PRKD1: variants seen among roughly 807,000 people sequenced by gnomAD.
PRKD1 encodes the protein serine/threonine-protein kinase D1.
Under a neutral mutation model 95.9 loss-of-function variants are expected in PRKD1, and 63 were observed. The ratio of observed to expected loss-of-function variants is 0.66; its 90% confidence interval spans 0.54 to 0.81. The LOEUF is 0.81. Among genes scored for constraint, PRKD1 ranks in the 30% least tolerant of loss-of-function variants. The pLI is 0.00. For missense variants in PRKD1, 1,048 were observed against 1,165.3 expected (o/e 0.90, Z 1.47); for synonymous variants, 425 against 423.1 (o/e 1.00, Z -0.05).
chr14:29,903,647 G>A (rs1894397403), intron 1 of PRKD1, among the ~76,000 whole-genome samples: 1 of 152,118 alleles, frequency 6.6e-6, no homozygotes, highest in African/African-American at 2.4e-5. Context: ...CAAAACCCTG[G>A]ATTAAAAATA....
chr14:29,728,404 A>G (rs1001574501), intron 1 of PRKD1, among the ~76,000 whole-genome samples: 3 of 152,144 alleles, frequency 2.0e-5, no homozygotes, highest in Admixed American at 6.6e-5. Flanking sequence ...ATTTTCATCA[A>G]CCCCAAAAGT....
At chr14:29,598,941 G>T in intron 15 of PRKD1, 86 bp downstream of exon 15, 2 of 1,133,570 alleles carry the variant, frequency 1.8e-6, no homozygotes, top group Non-Finnish European at 2.6e-6. Context: ...AAGGTTTTAA[G>T]GGAAAAATGG....
chr14:29,622,725 G>A (rs1181948997), intron 13 of PRKD1, among the ~76,000 whole-genome samples: 6 of 152,062 alleles, frequency 3.9e-5, no homozygotes, highest in Non-Finnish European at 8.8e-5. Flanking sequence ...TCTACCTCTC[G>A]AGTCAGTAGC....
chr14:29,666,260 A>G lies in PRKD1; in HGVS notation c.404-52T>C, dbSNP rs945406285. Reference sequence around the variant, plus strand: ...AAGTTGAATAGGCACTCTGATCTGTAAATAAAAAGTATGCAAGATAATAAA... The same window carrying G: ...AAGTTGAATAGGCACTCTGATCTGTGAATAAAAAGTATGCAAGATAATAAA... On this transcript the variant is annotated intron_variant, in intron 2 of 17. Transcript: ENST00000331968. 5.2e-6 allele frequency: 8 copies of G among 1,525,180 alleles called. No homozygotes were observed. In the African/African-American group the frequency reaches 9.5e-5, roughly 18 times the overall value. 94.5% of individuals were successfully genotyped at this position (1,525,180 alleles called of 1,614,324 possible). A position where few individuals can be genotyped will look rare whatever the true frequency, so the allele number is the denominator to read the frequency against.
intron 1 of PRKD1, among the ~76,000 whole-genome samples, chr14:29,775,676 G>C (rs1425628905): frequency 6.6e-6 from 1 of 152,176 alleles, no homozygotes; most frequent in Non-Finnish European, 1.5e-5. Flanking sequence ...GGCCACCAAA[G>C]CTCAAGGAGG....
chr14:29,659,635 T>C (rs1289041680), intron 4 of PRKD1, among the ~76,000 whole-genome samples: 2 of 152,210 alleles, frequency 1.3e-5, no homozygotes, highest in East Asian at 3.8e-4. Flanking sequence ...GTACTTGTTA[T>C]TAACAGGTGT....
At chr14:29,643,554 A>T (rs1880936151) in intron 4 of PRKD1, among the ~76,000 whole-genome samples, 1 of 152,198 alleles carries the variant, frequency 6.6e-6, no homozygotes, top group Non-Finnish European at 1.5e-5. Context: ...TGCTAAATTA[A>T]TGACTCAGCA....
Position 29,721,675 on chromosome 14 carries a change from T to TA in PRKD1, c.403+3860dup, listed in dbSNP as rs879263218. Reference sequence around the variant, plus strand: ...ACCATACACTTGAACTTCACTCTGGTAAAAAAAAAAAAATTTCCATGTTCA... The same window carrying TA: ...ACCATACACTTGAACTTCACTCTGGTAAAAAAAAAAAAAATTTCCATGTTCA... On this transcript the variant is annotated intron_variant, in intron 2 of 17. Transcript: ENST00000331968. Among the ~76,000 whole-genome samples the TA allele has an allele frequency of 6.8e-3, 999 of 146,126 alleles. 8 individuals carry two copies. The highest frequency in any genetic ancestry group is 0.021 in the African/African-American group (837 of 40,134).
chr14:29,654,455 T>C (rs1019473703), intron 4 of PRKD1, among the ~76,000 whole-genome samples: 2 of 152,220 alleles, frequency 1.3e-5, no homozygotes, highest in Non-Finnish European at 2.9e-5. Flanking sequence ...ATTATAGGTG[T>C]GAGCCACTGT....
At chr14:29,908,491 T>G (rs1174719531) in intron 1 of PRKD1, among the ~76,000 whole-genome samples, 1 of 152,062 alleles carries the variant, frequency 6.6e-6, no homozygotes, top group Non-Finnish European at 1.5e-5. Flanking sequence ...TTCACTATGT[T>G]GGCCAGGCTG....
At chr14:29,795,765 A>C (rs1889786401) in intron 1 of PRKD1, among the ~76,000 whole-genome samples, 1 of 152,138 alleles carries the variant, frequency 6.6e-6, no homozygotes, top group African/African-American at 2.4e-5. Flanking sequence ...CATCATTACA[A>C]ATTTTTTGGA....
chr14:29,644,642 C>A (rs1205944972), intron 4 of PRKD1, among the ~76,000 whole-genome samples: 7 of 151,736 alleles, frequency 4.6e-5, no homozygotes, highest in Admixed American at 1.3e-4. Context: ...GGGACTAAAT[C>A]TAGTTGAAAT....
chr14:29,701,652 TTTC>T (rs1197289860), intron 2 of PRKD1, among the ~76,000 whole-genome samples: 1 of 152,196 alleles, frequency 6.6e-6, no homozygotes, highest in Non-Finnish European at 1.5e-5. Context: ...TACTTTTTCT[TTTC>T]TTTTTTAACT....
chr14:29,885,612 C>T (rs1001064847), intron 1 of PRKD1, among the ~76,000 whole-genome samples: 11 of 151,766 alleles, frequency 7.2e-5, no homozygotes, highest in Admixed American at 3.3e-4. Flanking sequence ...TGAATAAGAA[C>T]AGCATTTGCC....
intron 4 of PRKD1, among the ~76,000 whole-genome samples, chr14:29,651,330 C>T (rs1027490722): frequency 6.6e-6 from 1 of 152,152 alleles, no homozygotes; most frequent in Non-Finnish European, 1.5e-5. Flanking sequence ...AAAAACTGGG[C>T]TATTTAGAGA....
intron 1 of PRKD1, among the ~76,000 whole-genome samples, chr14:29,908,418 C>A (rs2139441236): frequency 6.6e-6 from 1 of 152,232 alleles, no homozygotes; most frequent in East Asian, 1.9e-4. Flanking sequence ...CTCAGCCTCC[C>A]AAATAGCTGG....
intron 2 of PRKD1, among the ~76,000 whole-genome samples, chr14:29,721,917 C>G (rs35505329): frequency 0.13 from 19,797 of 151,422 alleles, 1,549 homozygotes; most frequent in African/African-American, 0.2. Context: ...CAAAAAGAAA[C>G]GGAGGGAGAA....
At chr14:29,745,468 C>T (rs1023892105) in intron 1 of PRKD1, among the ~76,000 whole-genome samples, 4 of 151,968 alleles carry the variant, frequency 2.6e-5, no homozygotes, top group Non-Finnish European at 5.9e-5. Flanking sequence ...ATTAGTTAAT[C>T]ATTATTGTTA....
chr14:29,688,515 CA>C lies in PRKD1; in HGVS notation c.404-22308del, dbSNP rs560241645. Among the ~76,000 whole-genome samples the C allele has an allele frequency of 3.0e-3, 449 of 152,186 alleles. 2 individuals are homozygous for C. Among genetic ancestry groups the C allele is most frequent in the Non-Finnish European group, 3.9e-3 (262 of 68,000 alleles). ...CCCATGACATAGTTATAGGCAGTGG[CA>C]AAATCAGAACTACAAACTAGTTATA... On this transcript the variant is annotated intron_variant, in intron 2 of 17. Coordinates refer to ENST00000331968, the MANE Select transcript of PRKD1 (RefSeq NM_002742.3).
Sources: gnomAD v4.1 joint callset for allele counts (sites outside exome capture counted in the v4.1 genomes callset) on GRCh38, gnomAD v4.1.1 for gene constraint, MANE v1.5 for transcripts, NCBI Gene and HGNC (gene_info 2026-07-23, HGNC 2026-07-21) for gene names.